The following DEPTOR variants were observed in gnomAD, a reference collection of about 807,000 sequenced individuals.
The protein encoded by DEPTOR is DEP domain-containing mTOR-interacting protein.
A neutral mutation model predicts 41.6 loss-of-function variants in DEPTOR; 41 were observed. The ratio of observed to expected loss-of-function variants is 0.98; its 90% CI spans 0.77 to 1.28. The LOEUF (loss-of-function observed/expected upper bound fraction) is 1.28, where lower values mean the gene tolerates loss of function less well. Among genes scored for constraint, DEPTOR ranks in the 50% most tolerant of loss-of-function variants. The pLI is 0.00. For missense variants in DEPTOR, 514 were observed against 527.9 expected (o/e 0.97, Z 0.26); for synonymous variants, 195 against 192.3 (o/e 1.01, Z -0.12).
intron 8 of DEPTOR, among the ~76,000 whole-genome samples, chr8:120,035,217 G>T (rs1455034524): frequency 6.6e-6 from 1 of 152,134 alleles, no homozygotes; most frequent in African/African-American, 2.4e-5. Context: ...CTACTCAGGA[G>T]GCTGAGGTGG....
intron 3 of DEPTOR, among the ~76,000 whole-genome samples, chr8:119,946,041 G>A (rs554783266): frequency 3.9e-5 from 6 of 152,252 alleles, no homozygotes; most frequent in Admixed American, 2.6e-4. Flanking sequence ...GTTGTTAAGC[G>A]CAGAGATGAT....
intron 3 of DEPTOR, among the ~76,000 whole-genome samples, chr8:119,963,722 A>G (rs1385419483): frequency 6.6e-6 from 1 of 152,164 alleles, no homozygotes; most frequent in African/African-American, 2.4e-5. Context: ...ATATGGATGC[A>G]TAGGGGAACA....
At chr8:120,013,311 C>T (rs187551860) in intron 8 of DEPTOR, among the ~76,000 whole-genome samples, 2 of 152,256 alleles carry the variant, frequency 1.3e-5, no homozygotes, top group Admixed American at 1.3e-4. Flanking sequence ...ATACCATGTC[C>T]TTCCGTATAG....
chr8:120,022,865 C>CTACA lies in DEPTOR; in HGVS notation c.1101+13733_1101+13736dup, dbSNP rs556340224. Among the ~76,000 whole-genome samples, 16 of 152,244 alleles carry CTACA rather than the reference C, an allele frequency of 1.1e-4. No individual in the cohort carries two copies. In the East Asian group the frequency reaches 3.1e-3, roughly 29 times the overall value. On this transcript the variant is annotated intron_variant, in intron 8 of 8. Coordinates refer to ENST00000286234, the MANE Select transcript of DEPTOR (RefSeq NM_022783.4). Reference sequence around the variant, plus strand: ...CTGCCCCCACTTGTAAAGTCAGGGACTACACTCAACTGACCTGTACCTGGA... The same window carrying CTACA: ...CTGCCCCCACTTGTAAAGTCAGGGACTACATACACTCAACTGACCTGTACCTGGA...
chr8:119,884,434 G>C (rs988413941), intron 1 of DEPTOR, among the ~76,000 whole-genome samples: 26 of 152,308 alleles, frequency 1.7e-4, no homozygotes, highest in South Asian at 4.1e-4. Flanking sequence ...TATGCGAGTC[G>C]TGAGTGGTGT....
At chr8:119,962,485 T>A (rs1213388947) in intron 3 of DEPTOR, among the ~76,000 whole-genome samples, 3 of 151,718 alleles carry the variant, frequency 2.0e-5, no homozygotes, top group African/African-American at 7.3e-5. Context: ...ATTCTAGCCA[T>A]GGGGATGGCA....
rs1177103228 is a variant in DEPTOR at position 120,002,791 on chromosome 8, A to AATATATATATAT, written c.791-176_791-165dup. ...GACTCCATCTCAAAAAAAAAAAAAA[A>AATATATATATAT]ATATATATATATATATATATAATAT... On this transcript the variant is annotated intron_variant, in intron 5 of 8. Coordinates refer to ENST00000286234, the MANE Select transcript of DEPTOR (RefSeq NM_022783.4). 1.3e-3 allele frequency among the ~76,000 whole-genome samples: 77 copies of AATATATATATAT among 60,652 alleles called. 3 individuals are homozygous for AATATATATATAT. The highest frequency in any genetic ancestry group is 4.5e-3 in the African/African-American group (60 of 13,198). The allele number at this position is 60,652 out of a possible 152,430, so 39.8% of individuals were successfully genotyped here. A position where few individuals can be genotyped will look rare whatever the true frequency, so the allele number is the denominator to read the frequency against.
intron 4 of DEPTOR, among the ~76,000 whole-genome samples, chr8:119,986,870 C>T (rs768112220): frequency 5.3e-5 from 8 of 151,612 alleles, no homozygotes; most frequent in Non-Finnish European, 1.2e-4. Flanking sequence ...TGTGATTTTT[C>T]AGCTTTATCA....
At chr8:119,906,084 T>C (rs547775295) in intron 1 of DEPTOR, among the ~76,000 whole-genome samples, 99 of 152,304 alleles carry the variant, frequency 6.5e-4, no homozygotes, top group African/African-American at 2.3e-3. Flanking sequence ...TGAGCCACTG[T>C]GCCTGGCCTA....
chr8:119,928,443 C>A lies in DEPTOR; in HGVS notation c.166C>A (p.His56Asn). The A allele has an allele frequency of 6.2e-7, 1 of 1,614,022 alleles. No homozygotes were observed. The highest frequency in any genetic ancestry group is 8.5e-7 in the Non-Finnish European group (1 of 1,179,936). ...AAAGGTTATTAAAGATAGACGTCAT[C>A]ATCTCAAGACCTACCCAAACTGTTT... ...EEKVIKDRRH[H>N]LKTYPNCFVA... The change falls in exon 2 of 9, where the codon CAT becomes AAT. Residue 56 changes from histidine to asparagine, a missense_variant. Coordinates refer to ENST00000286234, the MANE Select transcript of DEPTOR (RefSeq NM_022783.4).
chr8:119,954,288 C>T (rs1386815474), intron 3 of DEPTOR, among the ~76,000 whole-genome samples: 2 of 151,728 alleles, frequency 1.3e-5, no homozygotes, highest in Non-Finnish European at 2.9e-5. Flanking sequence ...AGACTACAGG[C>T]ATGTGCCACT....
At chr8:120,022,666 G>T (rs1181308702) in intron 8 of DEPTOR, among the ~76,000 whole-genome samples, 2 of 151,186 alleles carry the variant, frequency 1.3e-5, no homozygotes, top group Non-Finnish European at 2.9e-5. Flanking sequence ...TCCTAAAATT[G>T]TCCCCACTTT....
chr8:119,873,934 A>C lies in DEPTOR; in HGVS notation c.88A>C (p.Met30Leu), dbSNP rs1277129570. ...GGCGCAGCAAAGGGAGCTGGAGCGC[A>C]TGGCTGAGGTCTTGGTCACCGGGGA... Reference protein sequence around the residue: ...GGAQQRELERMAEVLVTGEQL... With the variant: ...GGAQQRELERLAEVLVTGEQL... Residue 30 changes from methionine (M) to leucine (L), a missense_variant, in exon 1 of 9, where the codon ATG becomes CTG. By Grantham distance (15) the Met-to-Leu change is conservative. Transcript: ENST00000286234. 2 of 1,613,588 alleles carry C rather than the reference A, an allele frequency of 1.2e-6. No homozygotes were observed. The highest frequency in any genetic ancestry group is 1.7e-5 in the Admixed American group (1 of 59,986).
chr8:120,020,046 G>A (rs904607650), intron 8 of DEPTOR, among the ~76,000 whole-genome samples: 3 of 151,122 alleles, frequency 2.0e-5, no homozygotes, highest in African/African-American at 7.3e-5. Flanking sequence ...AAGCATCTCT[G>A]ACTTCTCCTG....
chr8:120,020,069 A>G (rs1563594236), intron 8 of DEPTOR, among the ~76,000 whole-genome samples: 1 of 151,022 alleles, frequency 6.6e-6, no homozygotes, highest in Non-Finnish European at 1.5e-5. Flanking sequence ...AGTTCTTCTC[A>G]TTTTTTTTTG....
chr8:120,030,210 T>C (rs1812864388), intron 8 of DEPTOR, among the ~76,000 whole-genome samples: 1 of 152,170 alleles, frequency 6.6e-6, no homozygotes, highest in Admixed American at 6.5e-5. Flanking sequence ...TGGGCTGTGA[T>C]GTATCTGCGG....
rs373414082 is a variant in DEPTOR, at chr8:119,905,992, G to A, written c.123-22408G>A. 1.1e-4 allele frequency among the ~76,000 whole-genome samples: 17 copies of A among 152,096 alleles called. No individual in the cohort carries two copies. In the East Asian group the frequency reaches 1.7e-3, roughly 16 times the overall value. On this transcript the variant is annotated intron_variant, in intron 1 of 8. Transcript: ENST00000286234. Reference sequence around the variant, plus strand: ...TTTATTTTTACAGAGACAGCATCTCGCTATGTTGCCTAAGCTGGTCTCGAA... The same window carrying A: ...TTTATTTTTACAGAGACAGCATCTCACTATGTTGCCTAAGCTGGTCTCGAA...
At chr8:120,041,877 A>G (rs992492661) in intron 8 of DEPTOR, among the ~76,000 whole-genome samples, 3 of 152,084 alleles carry the variant, frequency 2.0e-5, no homozygotes, top group African/African-American at 7.2e-5. Context: ...GCTTGGAGAC[A>G]TTACTTACCT....
intron 8 of DEPTOR, among the ~76,000 whole-genome samples, chr8:120,009,661 A>G (rs1036981234): frequency 1.3e-5 from 2 of 152,194 alleles, no homozygotes; most frequent in African/African-American, 4.8e-5. Flanking sequence ...AACAACATTT[A>G]GCAGTGTCTA....
Sources: gnomAD v4.1 joint callset for allele counts (sites outside exome capture counted in the v4.1 genomes callset) on GRCh38, gnomAD v4.1.1 for gene constraint, MANE v1.5 for transcripts, NCBI Gene and HGNC (gene_info 2026-07-23, HGNC 2026-07-21) for gene names.